Variants in CHMP4B observed in about 807,000 individuals in gnomAD.
CHMP4B encodes the protein charged multivesicular body protein 4B, also known as SNF7 homolog associated with Alix 1.
In CHMP4B, 1 loss-of-function variant was observed where a neutral mutation model predicts 25.1. The ratio of observed to expected loss-of-function variants is 0.04; its 90% CI spans 0.01 to 0.19. The LOEUF (loss-of-function observed/expected upper bound fraction) is 0.19. Ranked by LOEUF, CHMP4B falls within the 10% of genes least tolerant of loss-of-function variation. The probability of loss-of-function intolerance (pLI) is 1.00; values close to 1 mark genes in which losing one functional copy is unlikely to be tolerated. For synonymous variants in CHMP4B, 101 were observed against 115.6 expected, an observed-to-expected ratio of 0.87 and a Z score of 0.81; for missense variants, 151 against 289.7, an observed-to-expected ratio of 0.52 and a Z score of 3.48.
intron 1 of CHMP4B, among the ~76,000 whole-genome samples, chr20:33,844,516 G>A (rs1033073858): frequency 6.6e-6 from 1 of 152,098 alleles, no homozygotes; most frequent in Non-Finnish European, 1.5e-5. Flanking sequence ...TTTATTTGGG[G>A]GATTTTAGAA....
intron 4 of CHMP4B, among the ~76,000 whole-genome samples, chr20:33,853,257 G>GT (rs1188451728): frequency 1.3e-5 from 2 of 152,102 alleles, no homozygotes; most frequent in African/African-American, 2.4e-5. Context: ...TAGAATCCTT[G>GT]TTTTGTCTGG....
chr20:33,840,259 G>C (rs190589634), intron 1 of CHMP4B, among the ~76,000 whole-genome samples: 5 of 150,654 alleles, frequency 3.3e-5, no homozygotes, highest in East Asian at 1.9e-4. Flanking sequence ...AAAAAAAAAG[G>C]GGGGGGACAG....
rs1979867630 is a variant in CHMP4B, at chr20:33,852,079, T to A, written c.486T>A (p.Asp162Glu). ...PVGFGEEFDE[D>E]ELMAELEELE... ...CACTTTGTGTTTCCTTTTACTAGGA[T>A]GAGCTCATGGCGGAATTAGAAGAAC... is the stretch of plus-strand genomic sequence containing the variant. The change falls in exon 4 of 5, where the codon GAT becomes GAA. Residue 162 changes from aspartate to glutamate, a missense_variant and splice_region_variant. By Grantham distance (45) the Asp-to-Glu change is conservative. Around this residue, in one of 3 missense-constraint regions of CHMP4B, gnomAD observed 82 missense variants for 208.3 expected, o/e 0.39. Transcript: ENST00000217402. 1 of 1,613,970 alleles carries A rather than the reference T, an allele frequency of 6.2e-7. No homozygotes were observed. Among genetic ancestry groups the A allele is most frequent in the African/African-American group, 1.3e-5 (1 of 74,912 alleles).
rs146241697 is a variant in CHMP4B at position 33,837,141 on chromosome 20, G to C, written c.191-11326G>C. Among the ~76,000 whole-genome samples the C allele has an allele frequency of 9.3e-3, 1,411 of 152,260 alleles. 24 individuals carry two copies. Among genetic ancestry groups the C allele is most frequent in the African/African-American group, 0.032 (1,348 of 41,544 alleles). On this transcript the variant is annotated intron_variant, in intron 1 of 4. Transcript: ENST00000217402. ...TCATGTGAGAAAGGAAGAACTGGCC[G>C]GGCGCGGTGGCTCACTCCTGTTATC...
chr20:33,841,098 T>A (rs1655599057), intron 1 of CHMP4B, among the ~76,000 whole-genome samples: 2 of 152,178 alleles, frequency 1.3e-5, no homozygotes, highest in Admixed American at 6.5e-5. Flanking sequence ...TTCTGTTAGG[T>A]TGTTAGTTGT....
At chr20:33,835,849 G>A (rs565275317) in intron 1 of CHMP4B, among the ~76,000 whole-genome samples, 20 of 152,016 alleles carry the variant, frequency 1.3e-4, no homozygotes, top group Non-Finnish European at 2.5e-4. Flanking sequence ...TGTGTGTGGC[G>A]AGAGAGAGAG....
intron 1 of CHMP4B, among the ~76,000 whole-genome samples, chr20:33,826,595 C>T (rs1979101112): frequency 6.6e-6 from 1 of 152,176 alleles, no homozygotes; most frequent in Non-Finnish European, 1.5e-5. Context: ...GTTGTCTGTC[C>T]ATTACTGCTT....
At chr20:33,832,882 A>G (rs1340810483) in intron 1 of CHMP4B, among the ~76,000 whole-genome samples, 2 of 151,330 alleles carry the variant, frequency 1.3e-5, no homozygotes, top group Non-Finnish European at 2.9e-5. Flanking sequence ...GGTCTCAAGC[A>G]ATCCTCTCGC....
intron 1 of CHMP4B, among the ~76,000 whole-genome samples, chr20:33,832,925 T>A (rs1979294801): frequency 6.6e-6 from 1 of 151,494 alleles, no homozygotes; most frequent in Admixed American, 6.6e-5. Flanking sequence ...ACTACAGGTG[T>A]GCACCACCAT....
chr20:33,834,584 C>G (rs181416101), intron 1 of CHMP4B, among the ~76,000 whole-genome samples: 25 of 152,264 alleles, frequency 1.6e-4, no homozygotes, highest in Non-Finnish European at 3.2e-4. Flanking sequence ...TGAGATTGTT[C>G]TTTTCTAGTG....
intron 1 of CHMP4B, among the ~76,000 whole-genome samples, chr20:33,818,641 G>A (rs1978847349): frequency 6.6e-6 from 1 of 152,186 alleles, no homozygotes; most frequent in African/African-American, 2.4e-5. Context: ...TGTGGGATTT[G>A]GGGACAGAAG....
chr20:33,830,405 A>G (rs992774297), intron 1 of CHMP4B, among the ~76,000 whole-genome samples: 7 of 152,210 alleles, frequency 4.6e-5, no homozygotes, highest in African/African-American at 1.7e-4. Context: ...GCCATAACAA[A>G]ATACCATAGA....
intron 4 of CHMP4B, among the ~76,000 whole-genome samples, 171 bp downstream of exon 4, chr20:33,852,374 C>G (rs1165944600): frequency 2.6e-5 from 4 of 151,666 alleles, no homozygotes; most frequent in Non-Finnish European, 5.9e-5. Flanking sequence ...GTAGTGGCCA[C>G]AGAGGCCATG....
intron 1 of CHMP4B, among the ~76,000 whole-genome samples, chr20:33,822,279 G>A (rs987558770): frequency 2.0e-5 from 3 of 151,842 alleles, no homozygotes; most frequent in Admixed American, 2.0e-4. Flanking sequence ...AAGTAGCTGG[G>A]ATTACAGGCA....
At chr20:33,849,793 A>G (rs1979796684) in intron 2 of CHMP4B, among the ~76,000 whole-genome samples, 1 of 152,102 alleles carries the variant, frequency 6.6e-6, no homozygotes, top group African/African-American at 2.4e-5. Context: ...ATTATTTGAG[A>G]CAAGGTCTTG....
At chr20:33,832,722 T>C (rs538575771) in intron 1 of CHMP4B, among the ~76,000 whole-genome samples, 32 of 152,134 alleles carry the variant, frequency 2.1e-4, no homozygotes, top group Non-Finnish European at 2.9e-4. Flanking sequence ...GTATGAATGG[T>C]AGTAATTAGG....
intron 1 of CHMP4B, among the ~76,000 whole-genome samples, chr20:33,836,277 C>G (rs1429788218): frequency 6.6e-6 from 1 of 151,962 alleles, no homozygotes; most frequent in African/African-American, 2.4e-5. Flanking sequence ...TTGTTGGGTA[C>G]TGAATATTTC....
rs947828525 is a variant in CHMP4B, at chr20:33,838,000, A to C, written c.191-10467A>C. ...TCCTTGATGAGGAGTCTGAGGCCCT[A>C]GGAAATGAGGGGACTTGCTCAGTGA... On this transcript the variant is annotated intron_variant, in intron 1 of 4. Transcript: ENST00000217402. 5.3e-5 allele frequency among the ~76,000 whole-genome samples: 8 copies of C among 152,310 alleles called. No homozygotes were observed. The East Asian group carries it at 1.3e-3, about 26-fold the overall frequency.
chr20:33,827,085 C>T (rs1601319869), intron 1 of CHMP4B, among the ~76,000 whole-genome samples: 1 of 152,204 alleles, frequency 6.6e-6, no homozygotes, highest in African/African-American at 2.4e-5. Flanking sequence ...CTCTTACTCT[C>T]CTCCCCCTTT....
Sources: allele counts gnomAD v4.1 joint callset (sites outside exome capture counted in the v4.1 genomes callset), GRCh38; gene constraint gnomAD v4.1.1; regional missense constraint gnomAD v4.1.1; transcripts MANE v1.5; gene names NCBI Gene and HGNC (gene_info 2026-07-23, HGNC 2026-07-21).